Variants in ADAM18 observed in about 807,000 individuals in gnomAD.
ADAM18 encodes the protein disintegrin and metalloproteinase domain-containing protein 18.
A neutral mutation model predicts 94.4 loss-of-function variants in ADAM18; 117 were observed. That is an observed-to-expected ratio of 1.24 (90% CI 1.07 to 1.45). ADAM18 has a LOEUF of 1.45. ADAM18 is among the 40% of genes most tolerant of loss of function. The pLI, the probability that ADAM18 is intolerant of heterozygous loss-of-function variation, is 0.00. For synonymous variants in ADAM18, 327 were observed against 291.6 expected, an observed-to-expected ratio of 1.12 and a Z score of -1.24; for missense variants, 936 against 880.0, an observed-to-expected ratio of 1.06 and a Z score of -0.81.
chr8:39,613,090 C>G (rs1819326343), intron 6 of ADAM18, among the ~76,000 whole-genome samples: 1 of 152,148 alleles, frequency 6.6e-6, no homozygotes, highest in South Asian at 2.1e-4. Context: ...TGCATCGAAC[C>G]CAACATGCCG....
At chr8:39,687,163 A>C (rs1453447077) in intron 16 of ADAM18, among the ~76,000 whole-genome samples, 1 of 152,228 alleles carries the variant, frequency 6.6e-6, no homozygotes, top group African/African-American at 2.4e-5. Flanking sequence ...ATATATAGGA[A>C]GTTCTTGTGC....
chr8:39,640,561 G>T (rs1474019493), intron 10 of ADAM18, among the ~76,000 whole-genome samples: 1 of 152,078 alleles, frequency 6.6e-6, no homozygotes, highest in African/African-American at 2.4e-5. Context: ...GGATTCATGA[G>T]TCAAATGGTA....
intron 12 of ADAM18, among the ~76,000 whole-genome samples, chr8:39,662,836 G>C (rs1820878272): frequency 6.6e-6 from 1 of 152,134 alleles, no homozygotes; most frequent in Admixed American, 6.5e-5. Flanking sequence ...TGTTGGCCAG[G>C]CTGGTCTTGA....
chr8:39,702,503 C>A (rs1258666984), intron 17 of ADAM18, among the ~76,000 whole-genome samples: 4 of 152,026 alleles, frequency 2.6e-5, no homozygotes, highest in Non-Finnish European at 5.9e-5. Flanking sequence ...TCCCATTTGT[C>A]AATTTTTGCT....
At chr8:39,593,814 T>C (rs574030834) in intron 2 of ADAM18, among the ~76,000 whole-genome samples, 7 of 152,344 alleles carry the variant, frequency 4.6e-5, no homozygotes, top group African/African-American at 1.7e-4. Flanking sequence ...TATTTGATAC[T>C]AATATAACAA....
intron 14 of ADAM18, among the ~76,000 whole-genome samples, chr8:39,672,912 G>A (rs1821195608): frequency 6.6e-6 from 1 of 152,188 alleles, no homozygotes; most frequent in African/African-American, 2.4e-5. Context: ...TCCTGGCCAA[G>A]TTTCAGTTTA....
chr8:39,711,001 A>G (rs913440462), intron 18 of ADAM18, among the ~76,000 whole-genome samples: 1 of 152,218 alleles, frequency 6.6e-6, no homozygotes, highest in Non-Finnish European at 1.5e-5. Context: ...GCAGTGCTCC[A>G]GCACAGACTC....
chr8:39,648,724 A>G (rs1176826202), intron 12 of ADAM18, among the ~76,000 whole-genome samples, 197 bp downstream of exon 12: 4 of 152,154 alleles, frequency 2.6e-5, no homozygotes, highest in Non-Finnish European at 5.9e-5. Flanking sequence ...TCTGTCATTA[A>G]CACTAGGTTT....
chr8:39,679,979 G>A, intron 15 of ADAM18, 58 bp from the exon 16 acceptor site: 1 of 1,546,886 alleles, frequency 6.5e-7, no homozygotes, highest in Non-Finnish European at 8.9e-7. Flanking sequence ...GTACTCACTT[G>A]GAACTTGTTA....
intron 12 of ADAM18, among the ~76,000 whole-genome samples, chr8:39,650,789 A>G (rs1471916084): frequency 6.6e-6 from 1 of 152,198 alleles, no homozygotes; most frequent in Admixed American, 6.5e-5. Flanking sequence ...AACAATTTTC[A>G]ATTTTGAAGG....
chr8:39,687,962 C>CTT (rs1481980361), intron 16 of ADAM18, among the ~76,000 whole-genome samples: 2 of 152,070 alleles, frequency 1.3e-5, no homozygotes, highest in African/African-American at 2.4e-5. Context: ...GGTAGAAGGA[C>CTT]TTATTTTCCT....
At chr8:39,653,158 T>A (rs1820584044) in intron 12 of ADAM18, among the ~76,000 whole-genome samples, 1 of 151,978 alleles carries the variant, frequency 6.6e-6, no homozygotes, top group Non-Finnish European at 1.5e-5. Context: ...TTTAAGTGTT[T>A]TTACCACAAA....
rs758026466 is a variant in ADAM18, at chr8:39,648,474, T to C, written c.1177T>C (p.Cys393Arg). 3 of 1,612,900 alleles carry C rather than the reference T, an allele frequency of 1.9e-6. No individual in the cohort carries two copies. The highest frequency in any genetic ancestry group is 2.5e-6 in the Non-Finnish European group (3 of 1,179,466). Residue 393 changes from cysteine to arginine, a missense_variant, in exon 12 of 20, where the codon TGT (cysteine) becomes CGT (arginine). Physicochemically the swap from Cys to Arg is radical, Grantham distance 180 (BLOSUM62 -3). Transcript: ENST00000265707. The part of the protein sequence containing the change: ...LQPLHQNQPV[C>R]GNGILESNEE... ...ACCATTACATCAAAATCAACCAGTG[T>C]GTGGTAATGGGATTTTGGAATCCAA... is the stretch of plus-strand genomic sequence containing the variant.
intron 7 of ADAM18, among the ~76,000 whole-genome samples, chr8:39,637,022 TATATATATATA>T (rs1563285191): frequency 3.6e-3 from 87 of 23,910 alleles, no homozygotes; most frequent in African/African-American, 0.019. Flanking sequence ...GTGTATTTTA[TATATATATATA>T]TATATATATA....
chr8:39,617,504 TA>T (rs1819478287), intron 6 of ADAM18, among the ~76,000 whole-genome samples: 1 of 152,060 alleles, frequency 6.6e-6, no homozygotes, highest in African/African-American at 2.4e-5. Flanking sequence ...CCCAAAGGAA[TA>T]AAAATCATTC....
intron 3 of ADAM18, among the ~76,000 whole-genome samples, chr8:39,608,653 T>C (rs1258585413): frequency 6.6e-6 from 1 of 152,048 alleles, no homozygotes; most frequent in Non-Finnish European, 1.5e-5. Flanking sequence ...GCCTTATCTA[T>C]TGTCATCTAA....
At chr8:39,635,566 T>G (rs1001992275) in intron 7 of ADAM18, among the ~76,000 whole-genome samples, 1 of 152,184 alleles carries the variant, frequency 6.6e-6, no homozygotes, top group Non-Finnish European at 1.5e-5. Context: ...AAGTTAATGT[T>G]TCTACATTAT....
intron 18 of ADAM18, among the ~76,000 whole-genome samples, chr8:39,714,413 AT>A (rs1331969432): frequency 6.6e-6 from 1 of 152,216 alleles, no homozygotes; most frequent in Non-Finnish European, 1.5e-5. Flanking sequence ...TGTTGTGCAC[AT>A]GTACCCTAGA....
intron 3 of ADAM18, among the ~76,000 whole-genome samples, 169 bp from the exon 4 acceptor site, chr8:39,608,873 C>G (rs1235286526): frequency 7.2e-5 from 11 of 152,182 alleles, no homozygotes; most frequent in Admixed American, 6.6e-4. Flanking sequence ...CTCTTTGATT[C>G]ACCAGTTCTA....
Sources: gnomAD v4.1 joint callset for allele counts (sites outside exome capture counted in the v4.1 genomes callset) on GRCh38, gnomAD v4.1.1 for gene constraint, MANE v1.5 for transcripts, NCBI Gene and HGNC (gene_info 2026-07-23, HGNC 2026-07-21) for gene names.